CSMD1: variants seen among roughly 807,000 people sequenced by gnomAD.
CSMD1 encodes the protein CUB and sushi domain-containing protein 1.
A neutral mutation model predicts 417.5 loss-of-function variants in CSMD1; 213 were observed. The observed-to-expected ratio is 0.51, with a 90% CI of 0.46 to 0.57. CSMD1 has a LOEUF of 0.57. CSMD1 is among the 20% of genes least tolerant of loss of function. CSMD1 has a pLI of 0.00. For missense variants in CSMD1, 6,923 were observed against 4,529.7 expected (o/e 1.53, Z -15.17); for synonymous variants, 2,862 against 1,736.8 (o/e 1.65, Z -16.11).
intron 17 of CSMD1, among the ~76,000 whole-genome samples, chr8:3,389,406 T>C (rs184245002): frequency 1.1e-3 from 169 of 152,250 alleles, no homozygotes; most frequent in African/African-American, 3.8e-3. Flanking sequence ...CTAAGGATAA[T>C]GACATCCAGC....
In CSMD1 at chr8:4,169,408, C is replaced by T. The variant is rs137894909; in HGVS notation, c.416-137309G>A. Among the ~76,000 whole-genome samples the T allele has an allele frequency of 5.3e-5, 8 of 152,238 alleles. No homozygotes were observed. The East Asian group carries it at 1.5e-3, about 29-fold the overall frequency. On this transcript the variant is annotated intron_variant, in intron 3 of 69. Coordinates refer to ENST00000635120, the MANE Select transcript of CSMD1 (RefSeq NM_033225.6). Reference sequence around the variant, plus strand: ...AAAAACATGAGGCATTGTAAATACTCGTCTTTTTCTCACATCCCACCTTTA... The same window carrying T: ...AAAAACATGAGGCATTGTAAATACTTGTCTTTTTCTCACATCCCACCTTTA...
At chr8:3,127,130 T>A (rs1030339654) in intron 41 of CSMD1, among the ~76,000 whole-genome samples, 1 of 152,170 alleles carries the variant, frequency 6.6e-6, no homozygotes, top group African/African-American at 2.4e-5. Flanking sequence ...GTCCACAAAC[T>A]AAGGGGAATC....
Position 3,840,911 on chromosome 8 carries a change from C to T in CSMD1, c.819-86869G>A, listed in dbSNP as rs563693757. Reference sequence around the variant, plus strand: ...TAGTAGAGACGAGGTTTCACCATATCGGTCAGGCTGGTCTCGAACTCCTGA... The same window carrying T: ...TAGTAGAGACGAGGTTTCACCATATTGGTCAGGCTGGTCTCGAACTCCTGA... On this transcript the variant is annotated intron_variant, in intron 5 of 69. Coordinates refer to ENST00000635120, the MANE Select transcript of CSMD1 (RefSeq NM_033225.6). 3.0e-4 allele frequency among the ~76,000 whole-genome samples: 45 copies of T among 151,898 alleles called. 1 individual carries two copies. The highest frequency in any genetic ancestry group is 2.1e-3 in the East Asian group (11 of 5,138).
At chr8:4,952,167 A>T (rs1338115894) in intron 1 of CSMD1, among the ~76,000 whole-genome samples, 1 of 151,738 alleles carries the variant, frequency 6.6e-6, no homozygotes, top group Non-Finnish European at 1.5e-5. Flanking sequence ...TATCACACAC[A>T]CCTCTCCTAC....
At chr8:4,740,205 C>A (rs1253202133) in intron 1 of CSMD1, among the ~76,000 whole-genome samples, 1 of 152,096 alleles carries the variant, frequency 6.6e-6, no homozygotes, top group Non-Finnish European at 1.5e-5. Context: ...ATTGTTTTCA[C>A]CCCAGGAACA....
intron 8 of CSMD1, among the ~76,000 whole-genome samples, chr8:3,590,015 G>C (rs540660272): frequency 2.0e-4 from 30 of 152,030 alleles, no homozygotes; most frequent in Admixed American, 7.9e-4. Context: ...GACTGTGCTT[G>C]ACTAAATTTT....
At chr8:4,219,221 C>T (rs955834985) in intron 3 of CSMD1, among the ~76,000 whole-genome samples, 2 of 152,172 alleles carry the variant, frequency 1.3e-5, no homozygotes, top group Admixed American at 6.5e-5. Flanking sequence ...TTTTTTCACC[C>T]TCTTTTACCA....
chr8:4,354,973 T>A (rs1202906659), intron 3 of CSMD1, among the ~76,000 whole-genome samples: 1 of 151,548 alleles, frequency 6.6e-6, no homozygotes, highest in Non-Finnish European at 1.5e-5. Flanking sequence ...CATGTTTAGA[T>A]CTTTTGTGGC....
intron 1 of CSMD1, among the ~76,000 whole-genome samples, chr8:4,855,248 T>G: frequency 7.1e-6 from 1 of 141,178 alleles, no homozygotes; most frequent in Middle Eastern, 3.7e-3. Flanking sequence ...GATATCCACA[T>G]CAAAAACCCA....
intron 3 of CSMD1, among the ~76,000 whole-genome samples, chr8:4,342,503 G>T (rs753061378): frequency 6.6e-6 from 1 of 152,034 alleles, no homozygotes; most frequent in Non-Finnish European, 1.5e-5. Flanking sequence ...AGCCAGGGTA[G>T]GTTTCATTCC....
intron 1 of CSMD1, among the ~76,000 whole-genome samples, chr8:4,785,396 G>C (rs1377488278): frequency 6.6e-6 from 1 of 152,156 alleles, no homozygotes; most frequent in African/African-American, 2.4e-5. Context: ...CCTCAGTTCA[G>C]AATCTCTTAG....
At chr8:4,274,766 T>G (rs1277470714) in intron 3 of CSMD1, among the ~76,000 whole-genome samples, 1 of 152,146 alleles carries the variant, frequency 6.6e-6, no homozygotes, top group Non-Finnish European at 1.5e-5. Context: ...GATACGGGAT[T>G]ATTAGAATTT....
intron 3 of CSMD1, among the ~76,000 whole-genome samples, chr8:4,191,953 A>G (rs1799057873): frequency 6.6e-6 from 1 of 152,192 alleles, no homozygotes; most frequent in Non-Finnish European, 1.5e-5. Flanking sequence ...AACTGCACCC[A>G]CAGGCAAAAC....
intron 10 of CSMD1, among the ~76,000 whole-genome samples, chr8:3,542,497 TA>T (rs1798482476): frequency 6.6e-6 from 1 of 152,216 alleles, no homozygotes; most frequent in South Asian, 2.1e-4. Context: ...GAAAAAGCAA[TA>T]AATCAGTGAC....
At chr8:4,213,008 G>C (rs1055477634) in intron 3 of CSMD1, among the ~76,000 whole-genome samples, 6 of 151,912 alleles carry the variant, frequency 3.9e-5, no homozygotes, top group African/African-American at 1.5e-4. Context: ...CTCAGTCTTT[G>C]TTTTCTTATT....
At chr8:3,985,152 G>A (rs964851103) in intron 5 of CSMD1, among the ~76,000 whole-genome samples, 9 of 152,242 alleles carry the variant, frequency 5.9e-5, no homozygotes, top group South Asian at 2.1e-4. Context: ...AGGGTGTGAT[G>A]GATGCCAGCT....
intron 5 of CSMD1, among the ~76,000 whole-genome samples, chr8:3,987,782 G>A (rs957470448): frequency 4.6e-5 from 7 of 152,322 alleles, no homozygotes; most frequent in East Asian, 1.9e-4. Context: ...AGCAGGCTCT[G>A]CGCCACGTCA....
chr8:4,385,831 C>G (rs911432250), intron 3 of CSMD1, among the ~76,000 whole-genome samples: 1 of 152,054 alleles, frequency 6.6e-6, no homozygotes, highest in Non-Finnish European at 1.5e-5. Context: ...TTTTGTGTTT[C>G]TGGGAAACTG....
chr8:4,185,251 C>T (rs1798597256), intron 3 of CSMD1, among the ~76,000 whole-genome samples: 1 of 151,948 alleles, frequency 6.6e-6, no homozygotes, highest in African/African-American at 2.4e-5. Flanking sequence ...AATCCTGGCC[C>T]TACCCCTTGC....
Sources: allele counts gnomAD v4.1 joint callset (sites outside exome capture counted in the v4.1 genomes callset), GRCh38; gene constraint gnomAD v4.1.1; transcripts MANE v1.5; gene names NCBI Gene and HGNC (gene_info 2026-07-23, HGNC 2026-07-21).